The following ZNF680 variants were observed in gnomAD, a reference collection of about 807,000 sequenced individuals.
The protein encoded by ZNF680 is hypothetical protein FLJ90430.
Under a neutral mutation model 12.1 loss-of-function variants are expected in ZNF680, and 6 were observed. The ratio of observed to expected loss-of-function variants is 0.49; its 90% confidence interval spans 0.27 to 0.98. The LOEUF is 0.98. Ranked by LOEUF, ZNF680 falls within the 50% of genes least tolerant of loss-of-function variation. The probability of loss-of-function intolerance (pLI) is 0.12; values close to 1 mark genes in which losing one functional copy is unlikely to be tolerated. For missense variants in ZNF680, 561 were observed against 616.3 expected, an observed-to-expected ratio of 0.91 and a Z score of 0.95; for synonymous variants, 170 against 199.3, an observed-to-expected ratio of 0.85 and a Z score of 1.24.
downstream of ZNF680, among the ~76,000 whole-genome samples, chr7:64,516,304 C>T (rs1447362454): frequency 6.6e-6 from 1 of 152,154 alleles, no homozygotes; most frequent in Non-Finnish European, 1.5e-5. Context: ...ATTGCTAAAA[C>T]TACATAGAAC....
Position 64,521,412 on chromosome 7 carries a change from T to G in ZNF680, c.1342A>C (p.Thr448Pro). The change falls in exon 4 of 4, where the codon ACC (threonine) becomes CCC (proline). Residue 448 changes from threonine to proline, a missense_variant. By Grantham distance (38) the Thr-to-Pro change is conservative. Coordinates refer to ENST00000309683, the MANE Select transcript of ZNF680 (RefSeq NM_178558.5). ...TGAATTACTTTATGGTTAGTAAGGG[T>G]TGAAAATAAAGTAAAGCCTTTGCCA... is the stretch of plus-strand genomic sequence containing the variant. ...ECGKGFTLFS[T>P]LTNHKVIHTG... is the part of the protein sequence containing the mutation. The G allele has an allele frequency of 6.2e-7, 1 of 1,613,596 alleles. No homozygotes were observed. The highest frequency in any genetic ancestry group is 8.5e-7 in the Non-Finnish European group (1 of 1,179,688).
chr7:64,545,905 C>G (rs1009448800), intron 1 of ZNF680, among the ~76,000 whole-genome samples: 6 of 152,114 alleles, frequency 3.9e-5, no homozygotes, highest in African/African-American at 1.4e-4. Context: ...AGTATCCACA[C>G]GTTCCCATAA....
intron 1 of ZNF680, among the ~76,000 whole-genome samples, chr7:64,562,594 G>C (rs767654011): frequency 2.0e-5 from 3 of 152,168 alleles, no homozygotes; most frequent in Non-Finnish European, 4.4e-5. Flanking sequence ...GAGGGACTGG[G>C]ACCCCATGGA....
At chr7:64,548,226 G>A (rs1169871160) in intron 1 of ZNF680, among the ~76,000 whole-genome samples, 1 of 152,122 alleles carries the variant, frequency 6.6e-6, no homozygotes, top group Non-Finnish European at 1.5e-5. Flanking sequence ...GTTTTCTAGG[G>A]TAATTTATTA....
chr7:64,533,106 G>A (rs1437899407), intron 3 of ZNF680, among the ~76,000 whole-genome samples: 1 of 152,152 alleles, frequency 6.6e-6, no homozygotes, highest in African/African-American at 2.4e-5. Context: ...TTGAGAACTG[G>A]AACAAGACAA....
intron 1 of ZNF680, among the ~76,000 whole-genome samples, chr7:64,552,487 T>G (rs1787133714): frequency 6.6e-6 from 1 of 152,136 alleles, no homozygotes; most frequent in South Asian, 2.1e-4. Context: ...TTATTTGTCC[T>G]TTAATAGCAG....
chr7:64,525,715 A>C, intron 3 of ZNF680: 1 of 838,446 alleles, frequency 1.2e-6, no homozygotes, highest in African/African-American at 1.8e-5. Context: ...TACCTAAAAG[A>C]GATTATGATC....
In ZNF680 at chr7:64,522,133, C is replaced by A. The variant is rs145625716; in HGVS notation, c.621G>T (p.Glu207Asp). 777 of 1,611,584 alleles carry A rather than the reference C, an allele frequency of 4.8e-4. 1 individual carries two copies. The highest frequency in any genetic ancestry group is 5.9e-4 in the Non-Finnish European group (701 of 1,178,750). Residue 207 changes from glutamate (E) to aspartate (D), a missense_variant, in exon 4 of 4, where the codon GAG becomes GAT. Physicochemically the swap from Glu to Asp is conservative, Grantham distance 45. Transcript: ENST00000309683. ...CACATTCCTCACATTTGTAAGAATTCTCTCTAGTGTGAATTCTTATATGTT... is the reference window on the plus strand; with the variant it reads ...CACATTCCTCACATTTGTAAGAATTATCTCTAGTGTGAATTCTTATATGTT... ...LTQHIRIHTR[E>D]NSYKCEECGK...
intron 1 of ZNF680, among the ~76,000 whole-genome samples, chr7:64,554,644 CAA>C (rs944003488): frequency 2.6e-5 from 4 of 152,186 alleles, no homozygotes; most frequent in African/African-American, 9.7e-5. Context: ...TCTGTACTGG[CAA>C]AGATTCTTCT....
At chr7:64,545,145 T>C (rs998855354) in intron 1 of ZNF680, among the ~76,000 whole-genome samples, 1 of 151,852 alleles carries the variant, frequency 6.6e-6, no homozygotes, top group African/African-American at 2.4e-5. Context: ...GCGTCTGTAA[T>C]TCCAGCTACT....
the ZNF680 span, among the ~76,000 whole-genome samples, chr7:64,509,800 C>T: frequency 6.6e-6 from 1 of 152,040 alleles, no homozygotes; most frequent in Non-Finnish European, 1.5e-5. Flanking sequence ...ATCCATGTTG[C>T]AGCACCTATC....
intron 1 of ZNF680, among the ~76,000 whole-genome samples, chr7:64,546,477 C>T (rs1186295384): frequency 6.6e-6 from 1 of 152,186 alleles, no homozygotes; most frequent in Non-Finnish European, 1.5e-5. Flanking sequence ...CACAGTGGCT[C>T]AGGCCAATAA....
At chr7:64,562,743 C>T (rs1787814973) in intron 1 of ZNF680, among the ~76,000 whole-genome samples, 182 bp downstream of exon 1, 2 of 152,188 alleles carry the variant, frequency 1.3e-5, no homozygotes, top group African/African-American at 4.8e-5. Context: ...GCCCGGGGTC[C>T]GGCTGTCAGC....
At chr7:64,503,184 G>A in the ZNF680 span, among the ~76,000 whole-genome samples, 3 of 152,044 alleles carry the variant, frequency 2.0e-5, no homozygotes, top group Non-Finnish European at 4.4e-5. Context: ...AGATGGATGC[G>A]GCTCAACAAG....
the ZNF680 span, among the ~76,000 whole-genome samples, chr7:64,500,074 G>C: frequency 6.6e-6 from 1 of 152,108 alleles, no homozygotes; most frequent in South Asian, 2.1e-4. Context: ...CTGTAAAAGA[G>C]TGTGGCTCTG....
At chr7:64,551,408 C>G (rs1049185494) in intron 1 of ZNF680, 1 of 152,260 alleles carries the variant, frequency 6.6e-6, no homozygotes, top group Non-Finnish European at 1.5e-5. Context: ...CCTCCTGCCA[C>G]TGAGGTACAG....
chr7:64,514,550 CA>C, the ZNF680 span, among the ~76,000 whole-genome samples: 2 of 151,984 alleles, frequency 1.3e-5, no homozygotes, highest in Middle Eastern at 6.8e-3. Flanking sequence ...ATAAATAGCT[CA>C]TAATAAAAAA....
intron 3 of ZNF680, among the ~76,000 whole-genome samples, chr7:64,540,326 AT>A (rs2116473791): frequency 7.6e-6 from 1 of 131,166 alleles, no homozygotes; most frequent in East Asian, 2.1e-4. Flanking sequence ...TTTTTTTGAG[AT>A]GGAGGCTCGC....
chr7:64,499,165 A>G, the ZNF680 span, among the ~76,000 whole-genome samples: 1 of 152,204 alleles, frequency 6.6e-6, no homozygotes, highest in Non-Finnish European at 1.5e-5. Flanking sequence ...ATAATAAAGG[A>G]TCTTTGAAAT....
Sources: allele counts gnomAD v4.1 joint callset (sites outside exome capture counted in the v4.1 genomes callset), GRCh38; gene constraint gnomAD v4.1.1; transcripts MANE v1.5; gene names NCBI Gene and HGNC (gene_info 2026-07-23, HGNC 2026-07-21).